Variants in TRIT1 observed in about 807,000 individuals in gnomAD.
TRIT1 encodes the protein tRNA isopentenyltransferase 1, also known as tRNA dimethylallyltransferase.
In TRIT1, 43 loss-of-function variants were observed where a neutral mutation model predicts 51.2. That is an observed-to-expected ratio of 0.84 (90% CI 0.66 to 1.08). The LOEUF is 1.08. Among genes scored for constraint, TRIT1 ranks in the 50% least tolerant of loss-of-function variants. The pLI, the probability that TRIT1 is intolerant of heterozygous loss-of-function variation, is 0.00. For synonymous variants in TRIT1, 184 were observed against 203.9 expected (o/e 0.90, Z 0.83); for missense variants, 528 against 578.4 (o/e 0.91, Z 0.89).
At chr1:39,869,317 C>A (rs1173169420) in intron 1 of TRIT1, among the ~76,000 whole-genome samples, 1 of 152,244 alleles carries the variant, frequency 6.6e-6, no homozygotes, top group Non-Finnish European at 1.5e-5. Flanking sequence ...GTTGGCCGGG[C>A]TGGTCTCCAG....
At chr1:39,853,478 C>T (rs187803400) in intron 3 of TRIT1, among the ~76,000 whole-genome samples, 1 of 152,102 alleles carries the variant, frequency 6.6e-6, no homozygotes, top group African/African-American at 2.4e-5. Context: ...CTCACTGCAA[C>T]CTCCGCCTCA....
Position 39,845,001 on chromosome 1 carries a change from A to G in TRIT1, c.1007-361T>C, listed in dbSNP as rs558311603. On this transcript the variant is annotated intron_variant, in intron 8 of 10. Transcript: ENST00000316891. The stretch of plus-strand genomic sequence containing the variant: ...TAAGTAAGTGCCTATTCTAAGTTCC[A>G]TATCATCTTACAATGATGGCGATCT... Among the ~76,000 whole-genome samples the G allele has an allele frequency of 5.3e-5, 8 of 152,358 alleles. No homozygotes were observed. In the South Asian group the frequency reaches 1.0e-3, roughly 20 times the overall value.
intron 1 of TRIT1, among the ~76,000 whole-genome samples, chr1:39,880,175 A>AAACAACAAC (rs10628850): frequency 6.8e-6 from 1 of 147,306 alleles, no homozygotes; most frequent in Non-Finnish European, 1.5e-5. Flanking sequence ...CTCCGTCTCA[A>AAACAACAAC]AACAACAACA....
At chr1:39,879,070 C>A (rs1240829645) in intron 1 of TRIT1, among the ~76,000 whole-genome samples, 2 of 151,948 alleles carry the variant, frequency 1.3e-5, no homozygotes, top group Admixed American at 6.6e-5. Flanking sequence ...GAGATCGAGA[C>A]CATCCTAGCT....
At chr1:39,872,659 T>C (rs1643913242) in intron 1 of TRIT1, among the ~76,000 whole-genome samples, 1 of 152,090 alleles carries the variant, frequency 6.6e-6, no homozygotes, top group East Asian at 1.9e-4. Context: ...TATAAATGTG[T>C]GTATATATAG....
chr1:39,863,723 T>C (rs1203440324), intron 1 of TRIT1, among the ~76,000 whole-genome samples: 1 of 122,572 alleles, frequency 8.2e-6, no homozygotes, highest in Non-Finnish European at 1.7e-5. Flanking sequence ...CTGGAGGAAC[T>C]AATGAAGGTA....
chr1:39,867,248 T>G (rs1254329741), intron 1 of TRIT1, among the ~76,000 whole-genome samples: 1 of 152,114 alleles, frequency 6.6e-6, no homozygotes, highest in East Asian at 1.9e-4. Context: ...TGGGTTCAAG[T>G]GATTCTCCTG....
At chr1:39,847,778 A>C in intron 6 of TRIT1, 118 bp from the exon 7 acceptor site, 1 of 1,550,740 alleles carries the variant, frequency 6.4e-7, no homozygotes, top group Non-Finnish European at 8.7e-7. Context: ...GATCCTGAGC[A>C]GTTACTGATT....
At position 39,841,563 on chromosome 1, in the gene TRIT1, C is replaced by G. The variant is rs1641903890; in HGVS notation, c.*181G>C. 1 of 542,466 alleles carries G rather than the reference C, an allele frequency of 1.8e-6. No homozygotes were observed. Among genetic ancestry groups the G allele is most frequent in the African/African-American group, 1.9e-5 (1 of 51,718 alleles). The allele number at this position is 542,466 out of a possible 1,614,324, so 33.6% of individuals were successfully genotyped here. ...CAGCCACACAAGGAGCTGACAAGAC[C>G]TGCTGTTTCTATTATAGAGAACGTG... On this transcript the variant is annotated 3_prime_UTR_variant, in exon 11 of 11. Coordinates refer to ENST00000316891, the MANE Select transcript of TRIT1 (RefSeq NM_017646.6).
intron 1 of TRIT1, among the ~76,000 whole-genome samples, chr1:39,880,107 G>A (rs1311479146): frequency 6.6e-6 from 1 of 151,410 alleles, no homozygotes; most frequent in African/African-American, 2.4e-5. Flanking sequence ...TCCTGGAGGC[G>A]GAGGTTGCAG....
Position 39,838,988 on chromosome 1 carries a change from C to T in TRIT1, c.*2756G>A, listed in dbSNP as rs1373781222. Among the ~76,000 whole-genome samples, 1 of 152,230 alleles carries T rather than the reference C, an allele frequency of 6.6e-6. No individual in the cohort carries two copies. Among genetic ancestry groups the T allele is most frequent in the Non-Finnish European group, 1.5e-5 (1 of 68,046 alleles). The stretch of plus-strand genomic sequence containing the variant: ...AGAATCAAGCAAAGTATTTTCAAGT[C>T]TAGATCTCTCTTCAGAATCAAAGTA... On this transcript the variant is annotated 3_prime_UTR_variant, in exon 11 of 11. Transcript: ENST00000316891.
At chr1:39,868,625 CA>C (rs1643682783) in intron 1 of TRIT1, among the ~76,000 whole-genome samples, 1 of 95,540 alleles carries the variant, frequency 1.0e-5, no homozygotes, top group Admixed American at 1.3e-4. Context: ...GCCTGGGCGA[CA>C]AAAGCAAAAC....
chr1:39,841,795 T>A lies in TRIT1; in HGVS notation c.1353A>T (p.Lys451Asn), dbSNP rs777746600. The A allele has an allele frequency of 1.9e-6, 3 of 1,614,078 alleles. No individual in the cohort carries two copies. In the South Asian group the frequency reaches 3.3e-5, roughly 18 times the overall value. ...CATTCTGCCCTGGGGATCCCTTCTC[T>A]TTAGGTTCTTTGTTATGGTCTGGGG... ...SVSPDHNKEP[K>N]EKGSPGQNDQ... Residue 451 changes from lysine to asparagine, a missense_variant, in exon 11 of 11, where the codon AAA (lysine) becomes AAT (asparagine). This residue lies in a region of TRIT1 where 468 missense variants were observed against 522.6 expected (regional missense o/e 0.90). Transcript: ENST00000316891.
intron 5 of TRIT1, among the ~76,000 whole-genome samples, chr1:39,848,686 A>G (rs1228722328): frequency 6.6e-6 from 1 of 151,428 alleles, no homozygotes; most frequent in Non-Finnish European, 1.5e-5. Flanking sequence ...AGCTGGGCGT[A>G]GTGGCGCGCG....
intron 7 of TRIT1, 81 bp from the exon 8 acceptor site, chr1:39,847,378 G>C: frequency 6.7e-7 from 1 of 1,500,036 alleles, no homozygotes; most frequent in Non-Finnish European, 9.2e-7. Context: ...AGCCCAGCAG[G>C]AAAAAGTCAG....
At chr1:39,846,042 G>T (rs1025196476) in intron 8 of TRIT1, among the ~76,000 whole-genome samples, 4 of 152,234 alleles carry the variant, frequency 2.6e-5, no homozygotes, top group African/African-American at 9.6e-5. Flanking sequence ...CAGACATGGG[G>T]ATAAGAGAAG....
At position 39,844,130 on chromosome 1, in the gene TRIT1, C is replaced by T. The variant is rs1382094535; in HGVS notation, c.1205G>A (p.Arg402Gln). The T allele has an allele frequency of 5.6e-6, 9 of 1,613,888 alleles. No individual in the cohort carries two copies. Among genetic ancestry groups the T allele is most frequent in the Admixed American group, 1.7e-5 (1 of 59,990 alleles). ...RSYHLCDLCDRIIIGDREWAA... is the reference protein window; with the variant it reads ...RSYHLCDLCDQIIIGDREWAA... ...CCATTCGCGATCCCCAATGATGATT[C>T]GATCACAGAGGTCACACAGGTGATA... Residue 402 changes from arginine to glutamine, a missense_variant, in exon 10 of 11, where the codon CGA (arginine) becomes CAA (glutamine). This residue lies in a region of TRIT1 where 468 missense variants were observed against 522.6 expected (regional missense o/e 0.90). Transcript: ENST00000316891.
At chr1:39,847,792 T>C (rs1642319043) in intron 6 of TRIT1, 132 bp from the exon 7 acceptor site, 1 of 1,521,070 alleles carries the variant, frequency 6.6e-7, no homozygotes. Flanking sequence ...ACTGATTCTC[T>C]GAAATTTTCC....
intron 6 of TRIT1, 132 bp from the exon 7 acceptor site, chr1:39,847,792 T>G: frequency 3.3e-6 from 5 of 1,521,066 alleles, no homozygotes; most frequent in Non-Finnish European, 4.4e-6. Flanking sequence ...ACTGATTCTC[T>G]GAAATTTTCC....
Sources: allele counts gnomAD v4.1 joint callset (sites outside exome capture counted in the v4.1 genomes callset), GRCh38; gene constraint gnomAD v4.1.1; regional missense constraint gnomAD v4.1.1; transcripts MANE v1.5; gene names NCBI Gene and HGNC (gene_info 2026-07-23, HGNC 2026-07-21).